PPWD1: variants seen among roughly 807,000 people sequenced by gnomAD.
The protein encoded by PPWD1 is peptidylprolyl isomerase domain and WD repeat containing 1.
In PPWD1, 43 loss-of-function variants were observed where a neutral mutation model predicts 68.8. The ratio of observed to expected loss-of-function variants is 0.62; its 90% CI spans 0.49 to 0.81. The LOEUF is 0.81. Among genes scored for constraint, PPWD1 ranks in the 30% least tolerant of loss-of-function variants. The pLI is 0.00. For missense variants in PPWD1, 672 were observed against 804.8 expected (o/e 0.83, Z 2.00); for synonymous variants, 232 against 258.7 (o/e 0.90, Z 0.99).
intron 1 of PPWD1, chr5:65,563,913 G>A: frequency 7.5e-7 from 1 of 1,331,238 alleles, no homozygotes; most frequent in East Asian, 2.5e-5. Flanking sequence ...GTGTTGGGGC[G>A]CGAGAGGAAG....
chr5:65,576,150 T>TAGG (rs1753270193), intron 5 of PPWD1, among the ~76,000 whole-genome samples: 1 of 151,398 alleles, frequency 6.6e-6, no homozygotes, highest in Non-Finnish European at 1.5e-5. Context: ...TATTTTGAGT[T>TAGG]TAATCAAACA....
intron 1 of PPWD1, chr5:65,563,913 G>T: frequency 7.5e-7 from 1 of 1,331,240 alleles, no homozygotes; most frequent in East Asian, 2.5e-5. Flanking sequence ...GTGTTGGGGC[G>T]CGAGAGGAAG....
Position 65,585,058 on chromosome 5 carries a change from GTTA to G in PPWD1, c.1582_1584del (p.Tyr528del). On this transcript the variant is annotated inframe_deletion, in exon 9 of 11. Coordinates refer to ENST00000261308, the MANE Select transcript of PPWD1 (RefSeq NM_015342.4). ...AACTTCTGTGTTCACAGCAGAAATG[GTTA>G]TTATAATGGGCATACATTTCACCGT... The G allele has an allele frequency of 6.2e-7, 1 of 1,612,268 alleles. No individual in the cohort carries two copies. The highest frequency in any genetic ancestry group is 8.5e-7 in the Non-Finnish European group (1 of 1,178,578).
rs1023542033 is a variant in PPWD1 at position 65,583,618 on chromosome 5, A to G, written c.1532+399A>G. ...CCTTACCAACAGTTGCTAGATACCTACTATCTCTTTATAGTTTCAGTAGCT... is the reference window on the plus strand; with the variant it reads ...CCTTACCAACAGTTGCTAGATACCTGCTATCTCTTTATAGTTTCAGTAGCT... On this transcript the variant is annotated intron_variant, in intron 8 of 10. Coordinates refer to ENST00000261308, the MANE Select transcript of PPWD1 (RefSeq NM_015342.4). Among the ~76,000 whole-genome samples the G allele has an allele frequency of 5.9e-5, 9 of 152,256 alleles. No homozygotes were observed. In the South Asian group the frequency reaches 6.2e-4, roughly 11 times the overall value.
chr5:65,569,404 C>A, intron 2 of PPWD1: 1 of 347,334 alleles, frequency 2.9e-6, no homozygotes, highest in Non-Finnish European at 5.1e-6. Flanking sequence ...CAATTCTGAT[C>A]CTAGCTCTTG....
intron 2 of PPWD1, among the ~76,000 whole-genome samples, chr5:65,568,484 T>C (rs886341970): frequency 1.3e-5 from 2 of 152,138 alleles, no homozygotes; most frequent in Non-Finnish European, 2.9e-5. Context: ...TTATTTCTTG[T>C]ACGGGTTTTG....
chr5:65,586,622 T>C (rs1353313129), intron 10 of PPWD1, among the ~76,000 whole-genome samples: 3 of 152,166 alleles, frequency 2.0e-5, no homozygotes, highest in African/African-American at 7.2e-5. Context: ...CCTAGCTCTA[T>C]TGCTATGCCA....
At chr5:65,581,676 T>C (rs996707721) in intron 7 of PPWD1, among the ~76,000 whole-genome samples, 11 of 152,208 alleles carry the variant, frequency 7.2e-5, no homozygotes, top group Non-Finnish European at 1.3e-4. Flanking sequence ...AAAACTTATA[T>C]TTTTTCTTTT....
intron 10 of PPWD1, 39 bp from the exon 11 acceptor site, chr5:65,587,214 T>TG (rs767000125): frequency 3.8e-5 from 59 of 1,562,002 alleles, no homozygotes; most frequent in Non-Finnish European, 4.9e-5. Flanking sequence ...TTAAAGAAAT[T>TG]GGGGTTTACC....
rs1437243679 is a variant in PPWD1 at position 65,569,919 on chromosome 5, T to G, written c.442T>G (p.Phe148Val). 2 of 1,612,202 alleles carry G rather than the reference T, an allele frequency of 1.2e-6. No homozygotes were observed. Among genetic ancestry groups the G allele is most frequent in the East Asian group, 4.5e-5 (2 of 44,760 alleles). Reference protein sequence around the residue: ...SIAVSSEGALFCSVGDDKAMK... With the variant: ...SIAVSSEGALVCSVGDDKAMK... ...TGCAGTTAGCTCTGAGGGAGCATTG[T>G]TCTGTTCTGTGGGTGATGATAAAGC... Residue 148 changes from phenylalanine to valine, a missense_variant, in exon 4 of 11, where the codon TTC becomes GTC. Phe to Val is a conservative substitution (Grantham distance 50). This residue lies in a region of PPWD1 where 484 missense variants were observed against 646.2 expected (regional missense o/e 0.75). Transcript: ENST00000261308.
At chr5:65,583,351 A>G (rs563634511) in intron 8 of PPWD1, 132 bp downstream of exon 8, 3 of 1,063,130 alleles carry the variant, frequency 2.8e-6, no homozygotes, top group African/African-American at 1.6e-5. Context: ...GATAAAAAAC[A>G]TCTATTCCTG....
chr5:65,580,681 T>G (rs527796996), intron 7 of PPWD1, among the ~76,000 whole-genome samples: 137 of 152,208 alleles, frequency 9.0e-4, no homozygotes, highest in South Asian at 8.9e-3. Context: ...ACCCAGCTAA[T>G]TTTTGTATTT....
In PPWD1 at chr5:65,586,191, G is replaced by A. The variant is rs748667868; in HGVS notation, c.1797+10G>A. The A allele has an allele frequency of 1.2e-6, 2 of 1,604,292 alleles. No individual in the cohort carries two copies. The highest frequency in any genetic ancestry group is 2.2e-5 in the East Asian group (1 of 44,776). ...AACGGTAGTACCAACGGTAAGTACAGTATCATTGTTTATAAACTACAGATT... is the reference window on the plus strand; with the variant it reads ...AACGGTAGTACCAACGGTAAGTACAATATCATTGTTTATAAACTACAGATT... On this transcript the variant is annotated intron_variant, in intron 10 of 10. Transcript: ENST00000261308.
intron 1 of PPWD1, 44 bp downstream of exon 1, chr5:65,563,550 C>T (rs1366964240): frequency 6.4e-6 from 10 of 1,564,140 alleles, no homozygotes; most frequent in Non-Finnish European, 7.8e-6. Flanking sequence ...GTGCTGCGTC[C>T]GCTGAGTAGG....
intron 5 of PPWD1, among the ~76,000 whole-genome samples, chr5:65,574,244 T>C (rs1310244424): frequency 6.6e-6 from 1 of 152,206 alleles, no homozygotes; most frequent in Non-Finnish European, 1.5e-5. Context: ...ATTATCCTTA[T>C]GACAAATTTT....
chr5:65,578,833 A>G (rs1753456181), intron 6 of PPWD1, among the ~76,000 whole-genome samples: 1 of 144,884 alleles, frequency 6.9e-6, no homozygotes, highest in South Asian at 2.1e-4. Context: ...TTTTTAAAAA[A>G]AGAGTTTTTT....
intron 5 of PPWD1, among the ~76,000 whole-genome samples, chr5:65,575,947 A>G (rs568469459): frequency 6.6e-6 from 1 of 152,342 alleles, no homozygotes; most frequent in Non-Finnish European, 1.5e-5. Context: ...ACCTTGCTCA[A>G]GGACCTCATA....
chr5:65,567,663 A>AG (rs780538609), intron 2 of PPWD1, 48 bp downstream of exon 2: 1 of 1,495,156 alleles, frequency 6.7e-7, no homozygotes, highest in Non-Finnish European at 9.0e-7. Flanking sequence ...TATTTAAAAA[A>AG]AAAAAAAGCT....
chr5:65,575,625 C>T (rs1240376821), intron 5 of PPWD1, among the ~76,000 whole-genome samples: 1 of 150,482 alleles, frequency 6.6e-6, no homozygotes, highest in African/African-American at 2.5e-5. Context: ...TGTTTGATGC[C>T]CTGATTGTGT....
Sources: gnomAD v4.1 joint callset for allele counts (sites outside exome capture counted in the v4.1 genomes callset) on GRCh38, gnomAD v4.1.1 for gene constraint, gnomAD v4.1.1 regional missense constraint, MANE v1.5 for transcripts, NCBI Gene and HGNC (gene_info 2026-07-23, HGNC 2026-07-21) for gene names.